CTNNA3: variants seen among roughly 807,000 people sequenced by gnomAD.
The protein encoded by CTNNA3 is catenin alpha-3.
A neutral mutation model predicts 95.7 loss-of-function variants in CTNNA3; 76 were observed. The ratio of observed to expected loss-of-function variants is 0.79; its 90% confidence interval spans 0.66 to 0.96. The LOEUF (loss-of-function observed/expected upper bound fraction) is 0.96. CTNNA3 is among the 40% of genes least tolerant of loss of function. The pLI, the probability that CTNNA3 is intolerant of heterozygous loss-of-function variation, is 0.00. For synonymous variants in CTNNA3, 431 were observed against 374.4 expected, an observed-to-expected ratio of 1.15 and a Z score of -1.74; for missense variants, 1,191 against 1,089.8, an observed-to-expected ratio of 1.09 and a Z score of -1.31.
intron 1 of CTNNA3, among the ~76,000 whole-genome samples, chr10:67,738,219 C>T (rs1841314044): frequency 6.6e-6 from 1 of 152,186 alleles, no homozygotes; most frequent in South Asian, 2.1e-4. Flanking sequence ...TGGGACAAAG[C>T]TTCCAGAGGA....
Position 66,315,085 on chromosome 10 carries a change from G to A in CTNNA3, c.1733-34464C>T, listed in dbSNP as rs1016335405. Among the ~76,000 whole-genome samples the A allele has an allele frequency of 6.6e-5, 10 of 152,024 alleles. 1 individual carries two copies. Among genetic ancestry groups the A allele is most frequent in the East Asian group, 1.9e-4 (1 of 5,188 alleles). Reference sequence around the variant, plus strand: ...CATTTTTCAAGGGTAATAGTACACCGTGGTTCTTTCTTTATTAATAAATTT... The same window carrying A: ...CATTTTTCAAGGGTAATAGTACACCATGGTTCTTTCTTTATTAATAAATTT... On this transcript the variant is annotated intron_variant, in intron 12 of 17. Transcript: ENST00000433211.
intron 7 of CTNNA3, among the ~76,000 whole-genome samples, chr10:66,989,491 C>G (rs1258103917): frequency 6.6e-6 from 1 of 152,024 alleles, no homozygotes; most frequent in Non-Finnish European, 1.5e-5. Context: ...CTGCAGATGC[C>G]ACACTATGGT....
At chr10:66,845,703 CAAAAAAAAAAAAA>C (rs61085873) in intron 7 of CTNNA3, among the ~76,000 whole-genome samples, 1 of 23,536 alleles carries the variant, frequency 4.2e-5, no homozygotes, top group Non-Finnish European at 1.2e-4. Context: ...AACTCTGTCT[CAAAAAAAAAAAAA>C]AAAAAAAAAA....
At chr10:66,886,221 C>T (rs533767139) in intron 7 of CTNNA3, among the ~76,000 whole-genome samples, 2 of 152,120 alleles carry the variant, frequency 1.3e-5, no homozygotes, top group South Asian at 4.2e-4. Context: ...TTTCAATAAC[C>T]CTGTGACTGG....
Position 66,069,319 on chromosome 10 carries a change from T to C in CTNNA3, c.2148A>G (p.Thr716=), listed in dbSNP as rs775946027. 5 of 1,613,388 alleles carry C rather than the reference T, an allele frequency of 3.1e-6. No homozygotes were observed. The African/African-American group carries it at 4.0e-5, about 13-fold the overall frequency. Residue 716 remains threonine, a synonymous_variant, in exon 15 of 18, where the codon ACA becomes ACG. Transcript: ENST00000433211. ...KNMCMIMMEM[T]DFTRGKGPLK... Reference sequence around the variant, plus strand: ...TTCCACATAATTACCTAGTGAAGTCTGTCATCTCCATCATGATCATACACA... The same window carrying C: ...TTCCACATAATTACCTAGTGAAGTCCGTCATCTCCATCATGATCATACACA...
At chr10:67,671,613 G>C (rs1840435294) in intron 1 of CTNNA3, among the ~76,000 whole-genome samples, 1 of 151,150 alleles carries the variant, frequency 6.6e-6, no homozygotes, top group Non-Finnish European at 1.5e-5. Context: ...TGCGGTGTTT[G>C]GTTTTTTGTC....
At chr10:66,250,651 G>T (rs1291542762) in intron 13 of CTNNA3, among the ~76,000 whole-genome samples, 1 of 76,386 alleles carries the variant, frequency 1.3e-5, no homozygotes, top group African/African-American at 3.6e-5. Flanking sequence ...TAACCTTGTT[G>T]TTTTATCATT....
chr10:67,303,798 T>C (rs1840426179), intron 5 of CTNNA3, among the ~76,000 whole-genome samples: 1 of 152,166 alleles, frequency 6.6e-6, no homozygotes, highest in Non-Finnish European at 1.5e-5. Flanking sequence ...AAGTCTCTCC[T>C]TGTTTCCATG....
At chr10:67,391,121 T>C (rs1055273973) in intron 5 of CTNNA3, among the ~76,000 whole-genome samples, 5 of 151,860 alleles carry the variant, frequency 3.3e-5, no homozygotes, top group African/African-American at 9.7e-5. Context: ...AAATTGTCCC[T>C]GTTTGCAGAC....
intron 7 of CTNNA3, among the ~76,000 whole-genome samples, chr10:66,793,654 A>C (rs1002824284): frequency 6.6e-6 from 1 of 152,166 alleles, no homozygotes; most frequent in African/African-American, 2.4e-5. Flanking sequence ...CAATGTTTTC[A>C]TAAGTGGTGG....
intron 9 of CTNNA3, among the ~76,000 whole-genome samples, chr10:66,741,919 G>T: frequency 6.6e-6 from 1 of 151,890 alleles, no homozygotes; most frequent in South Asian, 2.1e-4. Context: ...GATGTATGTC[G>T]CCTCAGGACC....
intron 10 of CTNNA3, among the ~76,000 whole-genome samples, chr10:66,591,005 A>G (rs1209874348): frequency 6.6e-6 from 1 of 152,132 alleles, no homozygotes; most frequent in Non-Finnish European, 1.5e-5. Context: ...TTAAATGATA[A>G]TTATTTTCCT....
At chr10:66,441,400 A>G (rs2093374663) in intron 11 of CTNNA3, among the ~76,000 whole-genome samples, 1 of 152,224 alleles carries the variant, frequency 6.6e-6, no homozygotes, top group Non-Finnish European at 1.5e-5. Context: ...CTCTGGAGAA[A>G]AGGGAAAGGA....
intron 15 of CTNNA3, among the ~76,000 whole-genome samples, chr10:66,065,488 T>C (rs1042221874): frequency 6.6e-6 from 1 of 152,162 alleles, no homozygotes; most frequent in African/African-American, 2.4e-5. Flanking sequence ...AATAAGGTTT[T>C]TTTCCATTCA....
intron 5 of CTNNA3, among the ~76,000 whole-genome samples, chr10:67,471,371 T>C (rs1847815211): frequency 6.6e-6 from 1 of 152,198 alleles, no homozygotes; most frequent in Non-Finnish European, 1.5e-5. Flanking sequence ...TATCAGAACG[T>C]AAGGATGTAC....
chr10:66,384,935 T>C (rs915996106), intron 11 of CTNNA3, among the ~76,000 whole-genome samples: 3 of 152,128 alleles, frequency 2.0e-5, no homozygotes, highest in Non-Finnish European at 2.9e-5. Flanking sequence ...GGGACACATT[T>C]AAAGCAGTGT....
At chr10:67,059,230 C>T (rs1266838952) in intron 7 of CTNNA3, among the ~76,000 whole-genome samples, 3 of 152,126 alleles carry the variant, frequency 2.0e-5, no homozygotes, top group Non-Finnish European at 4.4e-5. Context: ...TGAGCCAGAT[C>T]ACCATTTTCC....
intron 10 of CTNNA3, among the ~76,000 whole-genome samples, chr10:66,595,318 T>C (rs1255641343): frequency 6.9e-6 from 1 of 144,102 alleles, no homozygotes; most frequent in South Asian, 2.3e-4. Context: ...TCCTTGTTGA[T>C]TGATTGATCT....
At chr10:67,039,642 A>C (rs1854274579) in intron 7 of CTNNA3, among the ~76,000 whole-genome samples, 1 of 152,078 alleles carries the variant, frequency 6.6e-6, no homozygotes, top group African/African-American at 2.4e-5. Flanking sequence ...TAGTAAAGGG[A>C]CCAGAAAAAT....
Sources: allele counts gnomAD v4.1 joint callset (sites outside exome capture counted in the v4.1 genomes callset), GRCh38; gene constraint gnomAD v4.1.1; transcripts MANE v1.5; gene names NCBI Gene and HGNC (gene_info 2026-07-23, HGNC 2026-07-21).